Variants in RAB3GAP2 observed in about 807,000 individuals in gnomAD.
RAB3GAP2 encodes the protein RAB3 GTPase activating non-catalytic protein subunit 2.
In RAB3GAP2, 87 loss-of-function variants were observed where a neutral mutation model predicts 185.3. The ratio of observed to expected loss-of-function variants is 0.47; its 90% confidence interval spans 0.39 to 0.56. RAB3GAP2 has a LOEUF of 0.56. Ranked by LOEUF, RAB3GAP2 falls within the 20% of genes least tolerant of loss-of-function variation. RAB3GAP2 has a pLI of 0.00. For synonymous variants in RAB3GAP2, 554 were observed against 576.1 expected, an observed-to-expected ratio of 0.96 and a Z score of 0.55; for missense variants, 1,492 against 1,638.2, an observed-to-expected ratio of 0.91 and a Z score of 1.54.
intron 1 of RAB3GAP2, among the ~76,000 whole-genome samples, chr1:220,257,342 C>T (rs1465288455): frequency 4.6e-5 from 7 of 150,994 alleles, no homozygotes; most frequent in African/African-American, 1.7e-4. Flanking sequence ...CATGCCACTG[C>T]ACTTCAGCCT....
chr1:220,189,749 A>G lies in RAB3GAP2; in HGVS notation c.1733T>C (p.Ile578Thr). ...TTTAATATCAAGAATTAATTCCTTT[A>G]TTTCTGTTTCAACCAAATCTATAAA... ...SPNLDLVETEIKELILDIKYP... is the reference protein window; with the variant it reads ...SPNLDLVETETKELILDIKYP... The change falls in exon 17 of 35, where the codon ATA (isoleucine) becomes ACA (threonine). Residue 578 changes from isoleucine (I) to threonine (T), a missense_variant. Around this residue, in one of 5 missense-constraint regions of RAB3GAP2, gnomAD observed 681 missense variants for 689.1 expected, o/e 0.99. Coordinates refer to ENST00000358951, the MANE Select transcript of RAB3GAP2 (RefSeq NM_012414.4). The G allele has an allele frequency of 6.5e-7, 1 of 1,531,274 alleles. No homozygotes were observed. The highest frequency in any genetic ancestry group is 8.9e-7 in the Non-Finnish European group (1 of 1,120,814). The allele number at this position is 1,531,274 out of a possible 1,614,324, so 94.9% of individuals were successfully genotyped here. A position where few individuals can be genotyped will look rare whatever the true frequency, so the allele number is the denominator to read the frequency against.
In RAB3GAP2 at chr1:220,167,513, C is replaced by T. The variant is rs1411545748; in HGVS notation, c.2969G>A (p.Gly990Glu). 6.2e-7 allele frequency: 1 copy of T among 1,614,114 alleles called. No individual in the cohort carries two copies. Among genetic ancestry groups the T allele is most frequent in the Admixed American group, 1.7e-5 (1 of 60,014 alleles). The change falls in exon 25 of 35, where the codon GGA becomes GAA. Residue 990 changes from glycine to glutamate, a missense_variant. Gly to Glu is a moderately conservative substitution (Grantham distance 98). Coordinates refer to ENST00000358951, the MANE Select transcript of RAB3GAP2 (RefSeq NM_012414.4). ...TATTTGTGTATCACCTGGTATGGCT[C>T]CTAAGTCCATCTCCATCTCTGATAC... Reference protein sequence around the residue: ...LEVSEMEMDLGAIPDLLHLAY... With the variant: ...LEVSEMEMDLEAIPDLLHLAY...
chr1:220,269,290 G>A (rs552891171), intron 1 of RAB3GAP2, among the ~76,000 whole-genome samples: 28 of 152,332 alleles, frequency 1.8e-4, no homozygotes, highest in Admixed American at 3.9e-4. Context: ...AAAAAAGAGC[G>A]TCTGAAGCAT....
At chr1:220,244,388 G>C (rs1001623113) in intron 1 of RAB3GAP2, among the ~76,000 whole-genome samples, 2 of 152,140 alleles carry the variant, frequency 1.3e-5, no homozygotes, top group South Asian at 2.1e-4. Context: ...ACAAAACGCT[G>C]CTGAAAGAAA....
chr1:220,163,693 A>G (rs2102855144), intron 27 of RAB3GAP2, among the ~76,000 whole-genome samples: 1 of 148,396 alleles, frequency 6.7e-6, no homozygotes, highest in African/African-American at 2.5e-5. Context: ...AGATAGAATA[A>G]TCTAAACATG....
intron 1 of RAB3GAP2, chr1:220,254,403 T>C: frequency 6.2e-7 from 1 of 1,613,028 alleles, no homozygotes; most frequent in Non-Finnish European, 8.5e-7. Flanking sequence ...CCTATACACC[T>C]CTGGATGAGA....
Position 220,152,349 on chromosome 1 carries a change from T to A in RAB3GAP2, c.3868-585A>T, listed in dbSNP as rs186585237. On this transcript the variant is annotated intron_variant, in intron 33 of 34. Coordinates refer to ENST00000358951, the MANE Select transcript of RAB3GAP2 (RefSeq NM_012414.4). ...ACCTTGGCCTCCCAAAGTGCTAGGA[T>A]TACAGGCGTGAGCCACCACGCCCAG... 4.5e-3 allele frequency among the ~76,000 whole-genome samples: 693 copies of A among 152,338 alleles called. 3 individuals carry two copies. Among genetic ancestry groups the A allele is most frequent in the African/African-American group, 0.016 (650 of 41,592 alleles).
intron 21 of RAB3GAP2, among the ~76,000 whole-genome samples, chr1:220,176,524 A>G (rs563967994): frequency 6.4e-4 from 97 of 152,280 alleles, no homozygotes; most frequent in African/African-American, 2.3e-3. Flanking sequence ...CATGGGGTCC[A>G]GAAAGAACTG....
intron 1 of RAB3GAP2, among the ~76,000 whole-genome samples, chr1:220,264,312 T>G (rs1660192014): frequency 6.6e-6 from 1 of 152,060 alleles, no homozygotes. Flanking sequence ...ATATCATAAA[T>G]CTTGATAATT....
Position 220,157,328 on chromosome 1 carries a change from T to C in RAB3GAP2, c.3497A>G (p.Tyr1166Cys), listed in dbSNP as rs1657875533. 2.5e-6 allele frequency: 4 copies of C among 1,614,026 alleles called. No homozygotes were observed. Among genetic ancestry groups the C allele is most frequent in the Admixed American group, 1.7e-5 (1 of 59,992 alleles). The change falls in exon 31 of 35, where the codon TAT (tyrosine) becomes TGT (cysteine). Residue 1166 changes from tyrosine to cysteine, a missense_variant. Around this residue, in one of 5 missense-constraint regions of RAB3GAP2, gnomAD observed 387 missense variants for 455.3 expected, o/e 0.85. Coordinates refer to ENST00000358951, the MANE Select transcript of RAB3GAP2 (RefSeq NM_012414.4). ...EHHSILCSILYAVMRFSLKTV... is the reference protein window; with the variant it reads ...EHHSILCSILCAVMRFSLKTV... The stretch of plus-strand genomic sequence containing the variant: ...CTTCAGAGAAAACCTCATGACTGCA[T>C]ACAAGATGGAGCACAGGATGGAGTG...
At chr1:220,171,687 G>GAA (rs773182789) in intron 23 of RAB3GAP2, among the ~76,000 whole-genome samples, 2 of 151,890 alleles carry the variant, frequency 1.3e-5, no homozygotes, top group African/African-American at 2.4e-5. Context: ...CAAGAGATGA[G>GAA]AAAAAAACAC....
At chr1:220,172,892 G>A in intron 21 of RAB3GAP2, 150 bp from the exon 22 acceptor site, 1 of 654,696 alleles carries the variant, frequency 1.5e-6, no homozygotes, top group Non-Finnish European at 2.8e-6. Flanking sequence ...CATGTAATCT[G>A]AGAGGGAATA....
Position 220,177,079 on chromosome 1 carries a change from C to T in RAB3GAP2, c.2311-4337G>A, listed in dbSNP as rs192693440. 5.9e-5 allele frequency among the ~76,000 whole-genome samples: 9 copies of T among 152,384 alleles called. No homozygotes were observed. The East Asian group carries it at 1.7e-3, about 29-fold the overall frequency. ...GGGGACCCATCCACCTGTGCAGACA[C>T]CTGCTGGGATGCATACCTGTCGGGG... is the stretch of plus-strand genomic sequence containing the variant. On this transcript the variant is annotated intron_variant, in intron 21 of 34. Transcript: ENST00000358951.
chr1:220,236,865 A>C (rs1659601922), intron 1 of RAB3GAP2, among the ~76,000 whole-genome samples: 1 of 152,184 alleles, frequency 6.6e-6, no homozygotes, highest in Admixed American at 6.5e-5. Flanking sequence ...AGCCAAAGCA[A>C]TGTTCAACAT....
Position 220,254,191 on chromosome 1 carries a change from G to A in RAB3GAP2, c.115+18032C>T, listed in dbSNP as rs941818225. The A allele has an allele frequency of 3.5e-5, 56 of 1,613,428 alleles. No homozygotes were observed. The African/African-American group carries it at 4.0e-4, about 12-fold the overall frequency. On this transcript the variant is annotated intron_variant, in intron 1 of 34. Coordinates refer to ENST00000358951, the MANE Select transcript of RAB3GAP2 (RefSeq NM_012414.4). ...TTACAAGAAATCTCGTGGAAACACA[G>A]ATAATAAGGAGTATGCGGTTAATGA...
At chr1:220,217,676 CTA>C (rs1659224146) in intron 2 of RAB3GAP2, among the ~76,000 whole-genome samples, 1 of 152,146 alleles carries the variant, frequency 6.6e-6, no homozygotes, top group African/African-American at 2.4e-5. Context: ...ACAGCATTCC[CTA>C]TCTCTTAAAT....
chr1:220,192,929 A>T (rs1315517731), intron 13 of RAB3GAP2, among the ~76,000 whole-genome samples: 1 of 152,212 alleles, frequency 6.6e-6, no homozygotes, highest in Non-Finnish European at 1.5e-5. Flanking sequence ...TGGCTCAAGA[A>T]TGGCTTTGTG....
At chr1:220,263,308 C>A (rs183233787) in intron 1 of RAB3GAP2, among the ~76,000 whole-genome samples, 1 of 152,178 alleles carries the variant, frequency 6.6e-6, no homozygotes, top group East Asian at 2.0e-4. Context: ...CTTAGTGTAG[C>A]CCCATTTGTC....
At chr1:220,151,965 T>C (rs1213098672) in intron 33 of RAB3GAP2, among the ~76,000 whole-genome samples, 1 of 152,212 alleles carries the variant, frequency 6.6e-6, no homozygotes, top group Non-Finnish European at 1.5e-5. Context: ...AATTTTTTTT[T>C]CTCTCATCAC....
Sources: allele counts gnomAD v4.1 joint callset (sites outside exome capture counted in the v4.1 genomes callset), GRCh38; gene constraint gnomAD v4.1.1; regional missense constraint gnomAD v4.1.1; transcripts MANE v1.5; gene names NCBI Gene and HGNC (gene_info 2026-07-23, HGNC 2026-07-21).